The following PMFBP1 variants were observed in gnomAD, a reference collection of about 807,000 sequenced individuals.
PMFBP1 encodes polyamine-modulated factor 1-binding protein 1.
A neutral mutation model predicts 137.8 loss-of-function variants in PMFBP1; 131 were observed. The ratio of observed to expected loss-of-function variants is 0.95; its 90% CI spans 0.82 to 1.10. The LOEUF is 1.10. Ranked by LOEUF, PMFBP1 falls within the 50% of genes least tolerant of loss-of-function variation. The probability of loss-of-function intolerance (pLI) is 0.00; values close to 1 mark genes in which losing one functional copy is unlikely to be tolerated. For synonymous variants in PMFBP1, 490 were observed against 450.4 expected (o/e 1.09, Z -1.11); for missense variants, 1,199 against 1,175.4 (o/e 1.02, Z -0.29).
At chr16:72,217,488 A>G in the PMFBP1 span, among the ~76,000 whole-genome samples, 1 of 152,194 alleles carries the variant, frequency 6.6e-6, no homozygotes, top group African/African-American at 2.4e-5. Flanking sequence ...ATTTTGTGCT[A>G]TTCAGAATGT....
At chr16:72,128,324 A>G (rs1323056478) in intron 14 of PMFBP1, 1 of 1,222,632 alleles carries the variant, frequency 8.2e-7, no homozygotes, top group Non-Finnish European at 1.1e-6. Flanking sequence ...GCTTTGTGAC[A>G]AGTTTTGGAA....
chr16:72,134,905 C>T (rs1044711281), intron 9 of PMFBP1, among the ~76,000 whole-genome samples: 5 of 152,160 alleles, frequency 3.3e-5, no homozygotes, highest in South Asian at 2.1e-4. Flanking sequence ...TTTTGTTTAC[C>T]GGCTGTCTCC....
chr16:72,180,417 T>A (rs186964930), upstream of PMFBP1, among the ~76,000 whole-genome samples: 1 of 152,126 alleles, frequency 6.6e-6, no homozygotes. Context: ...TCCAACATCA[T>A]GTCTCATTGC....
intron 9 of PMFBP1, among the ~76,000 whole-genome samples, chr16:72,135,365 T>A (rs375996121): frequency 9.4e-6 from 1 of 106,740 alleles, no homozygotes; most frequent in Non-Finnish European, 1.8e-5. Flanking sequence ...GTGTGTTTTT[T>A]TTTTTTTTTT....
At chr16:72,232,024 G>A in the PMFBP1 span, among the ~76,000 whole-genome samples, 3 of 151,772 alleles carry the variant, frequency 2.0e-5, no homozygotes, top group Admixed American at 6.6e-5. Context: ...ACACCATTTC[G>A]TGAGAAAATA....
chr16:72,184,260 G>A, the PMFBP1 span, among the ~76,000 whole-genome samples: 1 of 152,064 alleles, frequency 6.6e-6, no homozygotes, highest in Admixed American at 6.6e-5. Context: ...ATCCATATCA[G>A]GTTGTTCCTA....
the PMFBP1 span, among the ~76,000 whole-genome samples, chr16:72,214,478 G>A: frequency 6.6e-6 from 1 of 152,176 alleles, no homozygotes; most frequent in African/African-American, 2.4e-5. Context: ...TGGAGCCACT[G>A]CTCCAAGCAC....
At chr16:72,169,620 A>G (rs1402481750) in intron 2 of PMFBP1, among the ~76,000 whole-genome samples, 4 of 152,150 alleles carry the variant, frequency 2.6e-5, no homozygotes, top group Non-Finnish European at 5.9e-5. Flanking sequence ...AACTTAAAGT[A>G]TAATAAAAAA....
chr16:72,194,181 G>A, the PMFBP1 span, among the ~76,000 whole-genome samples: 1 of 151,908 alleles, frequency 6.6e-6, no homozygotes, highest in Admixed American at 6.6e-5. Context: ...CCCTTACCCG[G>A]TTTATTTCAA....
In PMFBP1 at chr16:72,165,418, C is replaced by CT. The variant is rs111960622; in HGVS notation, c.13-503dup. 4.2e-3 allele frequency among the ~76,000 whole-genome samples: 610 copies of CT among 143,848 alleles called. 3 individuals are homozygous for CT. Among genetic ancestry groups the CT allele is most frequent in the African/African-American group, 5.7e-3 (226 of 39,524 alleles). 94.4% of individuals were successfully genotyped at this position (143,848 alleles called of 152,430 possible). On this transcript the variant is annotated intron_variant, in intron 2 of 20. Transcript: ENST00000237353. ...CCCAGTGCTTTTCTTTTCTTTCTTTCTTTTTTTTTTTTTTGAGACGGAGAC... is the reference window on the plus strand; with the variant it reads ...CCCAGTGCTTTTCTTTTCTTTCTTTCTTTTTTTTTTTTTTTGAGACGGAGAC...
the PMFBP1 span, among the ~76,000 whole-genome samples, chr16:72,232,226 T>G: frequency 2.6e-5 from 4 of 152,154 alleles, no homozygotes; most frequent in African/African-American, 9.7e-5. Flanking sequence ...TGATGTCTGA[T>G]TTGAGAGGCT....
rs1180662160 is a variant in PMFBP1, at chr16:72,150,707, G to T, written c.537C>A (p.Asn179Lys). The change falls in exon 5 of 21, where the codon AAC becomes AAA. Residue 179 changes from asparagine to lysine, a missense_variant. Asn to Lys is a moderately conservative substitution (Grantham distance 94, BLOSUM62 0). Coordinates refer to ENST00000237353, the MANE Select transcript of PMFBP1 (RefSeq NM_031293.3). ...AAGACTGGTATTTATCCCTGTAGAGGTTTAAGCTCCTCTCTAGAGAGGCGA... is the reference window on the plus strand; with the variant it reads ...AAGACTGGTATTTATCCCTGTAGAGTTTTAAGCTCCTCTCTAGAGAGGCGA... ...DKIASLERSL[N>K]LYRDKYQSSL... is the part of the protein sequence containing the mutation. 5.0e-6 allele frequency: 8 copies of T among 1,614,138 alleles called. No homozygotes were observed. The highest frequency in any genetic ancestry group is 6.8e-6 in the Non-Finnish European group (8 of 1,180,008).
chr16:72,222,663 C>T, the PMFBP1 span, among the ~76,000 whole-genome samples: 4 of 152,296 alleles, frequency 2.6e-5, no homozygotes, highest in Admixed American at 1.3e-4. Flanking sequence ...TCCCACTTAC[C>T]AGCTATGAGA....
intron 4 of PMFBP1, among the ~76,000 whole-genome samples, chr16:72,152,598 A>T (rs928579935): frequency 1.3e-5 from 2 of 152,056 alleles, no homozygotes; most frequent in African/African-American, 2.4e-5. Flanking sequence ...TAACCCCAGC[A>T]CTTTGGGAGG....
chr16:72,231,637 T>C, the PMFBP1 span, among the ~76,000 whole-genome samples: 1 of 152,156 alleles, frequency 6.6e-6, no homozygotes, highest in Non-Finnish European at 1.5e-5. Context: ...CTAATATTTT[T>C]GTAAAACACA....
At chr16:72,226,767 G>A in the PMFBP1 span, among the ~76,000 whole-genome samples, 1 of 152,058 alleles carries the variant, frequency 6.6e-6, no homozygotes, top group African/African-American at 2.4e-5. Context: ...CTAGAGATTC[G>A]CAAAGAAGCA....
intron 5 of PMFBP1, among the ~76,000 whole-genome samples, chr16:72,149,612 C>T (rs1433399940): frequency 6.6e-6 from 1 of 152,096 alleles, no homozygotes; most frequent in African/African-American, 2.4e-5. Flanking sequence ...CACACGAGGT[C>T]AGGCATTCAA....
At chr16:72,192,892 T>C in the PMFBP1 span, among the ~76,000 whole-genome samples, 1 of 124,510 alleles carries the variant, frequency 8.0e-6, no homozygotes, top group African/African-American at 3.1e-5. Flanking sequence ...ACAGAGGGAG[T>C]CTCTGTCTCA....
rs1268752940 is a variant in PMFBP1 at position 72,136,839 on chromosome 16, G to T, written c.919-20C>A. ...CAGTATCTGGCAGATGGAAGAACAG[G>T]GCAGGATGAGGAGATGAGAGACAAT... On this transcript the variant is annotated intron_variant, in intron 7 of 20. Transcript: ENST00000237353. 30 of 1,613,850 alleles carry T rather than the reference G, an allele frequency of 1.9e-5. No homozygotes were observed. The highest frequency in any genetic ancestry group is 2.4e-5 in the Non-Finnish European group (28 of 1,180,012).
Sources: allele counts gnomAD v4.1 joint callset (sites outside exome capture counted in the v4.1 genomes callset), GRCh38; gene constraint gnomAD v4.1.1; transcripts MANE v1.5; gene names NCBI Gene and HGNC (gene_info 2026-07-23, HGNC 2026-07-21).